The following CAST variants were observed in gnomAD, a reference collection of about 807,000 sequenced individuals.
CAST encodes the protein calpastatin.
In CAST, 76 loss-of-function variants were observed where a neutral mutation model predicts 119.6. The observed-to-expected ratio is 0.64, with a 90% CI of 0.53 to 0.77. The LOEUF (loss-of-function observed/expected upper bound fraction) is 0.77, where lower values mean the gene tolerates loss of function less well. CAST is among the 30% of genes least tolerant of loss of function. CAST has a pLI of 0.00. For synonymous variants in CAST, 319 were observed against 331.6 expected (o/e 0.96, Z 0.41); for missense variants, 953 against 946.5 (o/e 1.01, Z -0.09).
the CAST span, among the ~76,000 whole-genome samples, chr5:96,307,987 G>C: frequency 0.03 from 4,512 of 152,194 alleles, 255 homozygotes; most frequent in African/African-American, 0.1. Context: ...TCCTGAATTT[G>C]AATGTTGGCC....
At chr5:96,148,990 A>G in the CAST span, among the ~76,000 whole-genome samples, 1 of 152,230 alleles carries the variant, frequency 6.6e-6, no homozygotes, top group Admixed American at 6.5e-5. Context: ...TGAAACTGTT[A>G]TATTTGTGTT....
chr5:96,450,446 G>C, the CAST span, among the ~76,000 whole-genome samples: 1 of 152,104 alleles, frequency 6.6e-6, no homozygotes, highest in East Asian at 1.9e-4. Flanking sequence ...AAAGGTGGGA[G>C]GGTGAAAAGG....
At chr5:96,740,435 G>A (rs1007248943) in intron 12 of CAST, among the ~76,000 whole-genome samples, 4 of 151,968 alleles carry the variant, frequency 2.6e-5, no homozygotes, top group African/African-American at 9.7e-5. Flanking sequence ...ATAGATGGCC[G>A]TCTTCTTCCC....
At position 96,727,507 on chromosome 5, in the gene CAST, GAGA is replaced by G. The variant is rs770850413; in HGVS notation, c.361_363del (p.Lys121del). The G allele has an allele frequency of 1.9e-6, 3 of 1,559,428 alleles. No individual in the cohort carries two copies. The highest frequency in any genetic ancestry group is 1.4e-5 in the African/African-American group (1 of 72,784). On this transcript the variant is annotated inframe_deletion, in exon 6 of 32. Coordinates refer to ENST00000675179, the MANE Select transcript of CAST (RefSeq NM_001750.7). ...AACTTAGGCTGTAAAAACAGAACCT[GAGA>G]AGAAGTCACAGTCAACCAAGGTAAA...
chr5:96,389,296 T>C, the CAST span, among the ~76,000 whole-genome samples: 1 of 152,186 alleles, frequency 6.6e-6, no homozygotes, highest in Non-Finnish European at 1.5e-5. Flanking sequence ...AGAGAATGGA[T>C]ATGTTAATTT....
chr5:96,060,972 A>G, the CAST span, among the ~76,000 whole-genome samples: 1 of 151,932 alleles, frequency 6.6e-6, no homozygotes, highest in African/African-American at 2.4e-5. Context: ...CTTTTGTATG[A>G]TATGTTTGTG....
At chr5:96,167,352 G>T in the CAST span, among the ~76,000 whole-genome samples, 1 of 152,184 alleles carries the variant, frequency 6.6e-6, no homozygotes, top group African/African-American at 2.4e-5. Flanking sequence ...ATAGGTGTAT[G>T]ACTAGACAGA....
At chr5:96,405,705 T>TATAGG in the CAST span, among the ~76,000 whole-genome samples, 3 of 152,322 alleles carry the variant, frequency 2.0e-5, no homozygotes, top group Non-Finnish European at 4.4e-5. Context: ...TTATTTTCTG[T>TATAGG]ATAGGATCAT....
the CAST span, among the ~76,000 whole-genome samples, chr5:96,212,062 T>C: frequency 6.2e-4 from 95 of 152,236 alleles, no homozygotes; most frequent in African/African-American, 2.2e-3. Flanking sequence ...ATGTAATTGA[T>C]CTTCTCAAAG....
the CAST span, among the ~76,000 whole-genome samples, chr5:96,373,329 G>A: frequency 1.3e-5 from 2 of 152,216 alleles, no homozygotes; most frequent in African/African-American, 4.8e-5. Flanking sequence ...TTTGTGTAAG[G>A]TGCAGGGTAG....
the CAST span, among the ~76,000 whole-genome samples, chr5:96,263,897 T>C: frequency 2.6e-5 from 4 of 152,042 alleles, no homozygotes; most frequent in African/African-American, 9.7e-5. Context: ...TTTAGGACCA[T>C]CAGATCTTGT....
At chr5:96,225,060 A>G in the CAST span, among the ~76,000 whole-genome samples, 4 of 152,214 alleles carry the variant, frequency 2.6e-5, no homozygotes, top group Non-Finnish European at 5.9e-5. Flanking sequence ...GCGTGGAGGT[A>G]ACTTTTCTAG....
At chr5:96,331,293 C>A in the CAST span, among the ~76,000 whole-genome samples, 1 of 152,150 alleles carries the variant, frequency 6.6e-6, no homozygotes, top group Non-Finnish European at 1.5e-5. Context: ...ACCTCCGTTA[C>A]TCTTGTTCCC....
At chr5:96,041,147 C>A in the CAST span, among the ~76,000 whole-genome samples, 1 of 152,056 alleles carries the variant, frequency 6.6e-6, no homozygotes, top group Admixed American at 6.6e-5. Context: ...TAGTAACTTC[C>A]TTCTTAAGAG....
the CAST span, among the ~76,000 whole-genome samples, chr5:96,473,352 T>G: frequency 4.6e-5 from 7 of 152,210 alleles, no homozygotes; most frequent in African/African-American, 7.2e-5. Context: ...CCTAATCAGA[T>G]TGCCTGAGGG....
the CAST span, among the ~76,000 whole-genome samples, chr5:96,048,323 G>A: frequency 4.9e-3 from 742 of 152,246 alleles, 7 homozygotes; most frequent in African/African-American, 0.017. Flanking sequence ...CAGTAATTCA[G>A]CTAAGAGACA....
the CAST span, chr5:96,399,957 G>A: frequency 6.2e-7 from 1 of 1,609,774 alleles, no homozygotes; most frequent in Non-Finnish European, 8.5e-7. Flanking sequence ...ACTTACCTGG[G>A]CTCAAAGTCA....
chr5:96,317,309 CAAAAAA>C, the CAST span, among the ~76,000 whole-genome samples: 4 of 104,010 alleles, frequency 3.8e-5, no homozygotes, highest in East Asian at 2.7e-4. Context: ...ACCAAAAATA[CAAAAAA>C]AAAAAAAAAA....
At chr5:96,008,385 C>T in the CAST span, among the ~76,000 whole-genome samples, 336 of 152,210 alleles carry the variant, frequency 2.2e-3, no homozygotes, top group Non-Finnish European at 3.4e-3. Context: ...TTATATGCTC[C>T]TTGTTTATTT....
Sources: gnomAD v4.1 joint callset for allele counts (sites outside exome capture counted in the v4.1 genomes callset) on GRCh38, gnomAD v4.1.1 for gene constraint, MANE v1.5 for transcripts, NCBI Gene and HGNC (gene_info 2026-07-23, HGNC 2026-07-21) for gene names.